TUSC3: variants seen among roughly 807,000 people sequenced by gnomAD.
TUSC3 encodes dolichyl-diphosphooligosaccharide--protein glycosyltransferase subunit TUSC3.
Under a neutral mutation model 44.8 loss-of-function variants are expected in TUSC3, and 45 were observed. That is an observed-to-expected ratio of 1.00 (90% CI 0.79 to 1.29). The LOEUF (loss-of-function observed/expected upper bound fraction) is 1.29. TUSC3 is among the 50% of genes most tolerant of loss of function. The pLI is 0.00. For synonymous variants in TUSC3, 212 were observed against 152.9 expected, an observed-to-expected ratio of 1.39 and a Z score of -2.85; for missense variants, 519 against 437.9, an observed-to-expected ratio of 1.19 and a Z score of -1.65.
At chr8:15,618,971 A>T (rs1029811012) in intron 1 of TUSC3, among the ~76,000 whole-genome samples, 1 of 152,164 alleles carries the variant, frequency 6.6e-6, no homozygotes, top group East Asian at 1.9e-4. Context: ...ACATGACTGT[A>T]TTTCTGTGGG....
chr8:15,655,565 G>C (rs1037599567), intron 3 of TUSC3, among the ~76,000 whole-genome samples: 7 of 152,150 alleles, frequency 4.6e-5, no homozygotes, highest in Admixed American at 1.3e-4. Context: ...TGCCCACCTG[G>C]CCTTCCTCCA....
At chr8:15,787,687 G>C in the TUSC3 span, among the ~76,000 whole-genome samples, 1 of 152,232 alleles carries the variant, frequency 6.6e-6, no homozygotes, top group East Asian at 1.9e-4. Flanking sequence ...ATCTTAATAT[G>C]CAACAAAAAT....
chr8:15,461,217 T>G (rs1489611770), intron 1 of TUSC3, among the ~76,000 whole-genome samples: 1 of 152,100 alleles, frequency 6.6e-6, no homozygotes, highest in Non-Finnish European at 1.5e-5. Context: ...TGTTTTGTAG[T>G]TTTTCTTGTA....
chr8:15,661,013 AC>A (rs1807399469), intron 4 of TUSC3, among the ~76,000 whole-genome samples: 1 of 151,500 alleles, frequency 6.6e-6, no homozygotes, highest in South Asian at 2.1e-4. Context: ...ATTTAGGTTC[AC>A]CTATTGTTAA....
chr8:15,689,627 G>C (rs1298102825), intron 6 of TUSC3: 1 of 154,786 alleles, frequency 6.5e-6, no homozygotes, highest in Non-Finnish European at 1.4e-5. Flanking sequence ...GGCTGTGGTA[G>C]TGTCTGGGAG....
chr8:15,667,064 C>T (rs1321270435), intron 5 of TUSC3, among the ~76,000 whole-genome samples: 1 of 151,500 alleles, frequency 6.6e-6, no homozygotes, highest in East Asian at 1.9e-4. Context: ...TATAAAGTCA[C>T]AATTGAATAA....
At chr8:15,833,367 A>G in the TUSC3 span, among the ~76,000 whole-genome samples, 136 of 152,322 alleles carry the variant, frequency 8.9e-4, no homozygotes, top group African/African-American at 3.2e-3. Context: ...GGTATATACC[A>G]AAAGGAATAT....
In TUSC3 at chr8:15,423,114, C is replaced by G. The variant is rs558894495; in HGVS notation, n.91+5809C>G. Among the ~76,000 whole-genome samples the G allele has an allele frequency of 8.6e-5, 13 of 151,894 alleles. No homozygotes were observed. In the East Asian group the frequency reaches 1.2e-3, roughly 14 times the overall value. On this transcript the variant is annotated intron_variant and non_coding_transcript_variant, in intron 1 of 5. Coordinates refer to the TUSC3 transcript ENST00000503191. Reference sequence around the variant, plus strand: ...AGTTTTTTTTAAGAAAAAAGTGTTTCTTAGTTTCTTATAATGTTGGACCTT... The same window carrying G: ...AGTTTTTTTTAAGAAAAAAGTGTTTGTTAGTTTCTTATAATGTTGGACCTT...
At chr8:15,446,742 G>T (rs1402453377) in intron 1 of TUSC3, among the ~76,000 whole-genome samples, 1 of 108,650 alleles carries the variant, frequency 9.2e-6, no homozygotes, top group East Asian at 3.1e-4. Context: ...GAGAGGGGGA[G>T]GGAGGGGGGA....
intron 2 of TUSC3, among the ~76,000 whole-genome samples, chr8:15,493,835 G>C (rs1241730918): frequency 6.6e-6 from 1 of 152,138 alleles, no homozygotes; most frequent in East Asian, 1.9e-4. Flanking sequence ...GATTGAGTTT[G>C]GAAACTGAAA....
chr8:15,699,269 TTAA>T (rs398067612), intron 6 of TUSC3, among the ~76,000 whole-genome samples: 1 of 152,142 alleles, frequency 6.6e-6, no homozygotes, highest in East Asian at 1.9e-4. Context: ...TGGTAATTAA[TTAA>T]TTCATTAATA....
At chr8:15,755,812 T>C (rs1295231662) in intron 9 of TUSC3, among the ~76,000 whole-genome samples, 1 of 152,154 alleles carries the variant, frequency 6.6e-6, no homozygotes, top group Admixed American at 6.5e-5. Flanking sequence ...ATTCATTTTA[T>C]ATATTACATG....
At position 15,766,619 on chromosome 8, in the gene TUSC3, T is replaced by G. The variant is rs1812332902; in HGVS notation, c.*2463T>G. On this transcript the variant is annotated 3_prime_UTR_variant, in exon 11 of 11. Transcript: ENST00000503731. ...TTTGCTTAACATACTGTTCCTGGCA[T>G]TAGATATTCACATGAGTAAGCCCAG... The G allele has an allele frequency of 6.6e-6, 1 of 152,160 alleles. No individual in the cohort carries two copies. Among genetic ancestry groups the G allele is most frequent in the Non-Finnish European group, 1.5e-5 (1 of 68,004 alleles). The allele number at this position is 152,160 out of a possible 1,614,324, so 9.4% of individuals were successfully genotyped here. A position where few individuals can be genotyped will look rare whatever the true frequency, so the allele number is the denominator to read the frequency against.
rs1271480153 is a variant in TUSC3, at chr8:15,748,562, G to A, written c.1028+97G>A. Reference sequence around the variant, plus strand: ...AATTAAGGATGAATGTAAAGTTGCTGTGTGGTTTTTTTAAATTCAGTTAAG... The same window carrying A: ...AATTAAGGATGAATGTAAAGTTGCTATGTGGTTTTTTTAAATTCAGTTAAG... On this transcript the variant is annotated intron_variant, in intron 9 of 10. Transcript: ENST00000503731. 11 of 1,205,618 alleles carry A rather than the reference G, an allele frequency of 9.1e-6. No homozygotes were observed. The Admixed American group carries it at 1.5e-4, about 17-fold the overall frequency. 74.7% of individuals were successfully genotyped at this position (1,205,618 alleles called of 1,614,324 possible).
chr8:15,428,372 T>C (rs1276202171), intron 1 of TUSC3, among the ~76,000 whole-genome samples: 15 of 151,982 alleles, frequency 9.9e-5, no homozygotes, highest in Non-Finnish European at 1.9e-4. Flanking sequence ...TCTATCATTG[T>C]TGGACATTTG....
chr8:15,654,175 A>T (rs148993436), intron 3 of TUSC3, among the ~76,000 whole-genome samples: 3 of 152,174 alleles, frequency 2.0e-5, no homozygotes, highest in Non-Finnish European at 4.4e-5. Context: ...GGATTTTCCT[A>T]TAGTTTTCAT....
intron 2 of TUSC3, among the ~76,000 whole-genome samples, chr8:15,644,976 G>A (rs1000575550): frequency 6.6e-5 from 10 of 152,090 alleles, no homozygotes; most frequent in Non-Finnish European, 1.0e-4. Context: ...AAATTTTGCT[G>A]GATGTTATGG....
intron 6 of TUSC3, among the ~76,000 whole-genome samples, chr8:15,724,596 T>A (rs1235745159): frequency 1.3e-5 from 2 of 152,190 alleles, no homozygotes; most frequent in African/African-American, 4.8e-5. Context: ...TGGCAATAAT[T>A]TTTGTATTCA....
At chr8:15,581,612 C>A (rs1431988695) in intron 1 of TUSC3, among the ~76,000 whole-genome samples, 2 of 149,796 alleles carry the variant, frequency 1.3e-5, no homozygotes, top group Non-Finnish European at 2.9e-5. Context: ...TGCGGGGTGC[C>A]TCCCAGTTAG....
Sources: gnomAD v4.1 joint callset for allele counts (sites outside exome capture counted in the v4.1 genomes callset) on GRCh38, gnomAD v4.1.1 for gene constraint, MANE v1.5 for transcripts, NCBI Gene and HGNC (gene_info 2026-07-23, HGNC 2026-07-21) for gene names.